Variants in MALRD1 observed in about 807,000 individuals in gnomAD.
The protein encoded by MALRD1 is MAM and LDL receptor class A domain containing 1.
A neutral mutation model predicts 242.1 loss-of-function variants in MALRD1; 247 were observed. The observed-to-expected ratio is 1.02, with a 90% CI of 0.92 to 1.13. The LOEUF (loss-of-function observed/expected upper bound fraction) is 1.13, where lower values mean the gene tolerates loss of function less well. Among genes scored for constraint, MALRD1 ranks in the 50% most tolerant of loss-of-function variants. The probability of loss-of-function intolerance (pLI) is 0.00; values close to 1 mark genes in which losing one functional copy is unlikely to be tolerated. For synonymous variants in MALRD1, 995 were observed against 866.6 expected (o/e 1.15, Z -2.60); for missense variants, 2,989 against 2,533.1 (o/e 1.18, Z -3.86).
intron 2 of MALRD1, among the ~76,000 whole-genome samples, chr10:19,076,422 T>A (rs987555791): frequency 6.6e-6 from 1 of 152,048 alleles, no homozygotes; most frequent in African/African-American, 2.4e-5. Context: ...CACTTACAGT[T>A]CCCTGTAAGA....
chr10:19,488,635 T>A (rs1234533445), intron 29 of MALRD1: 4 of 158,088 alleles, frequency 2.5e-5, no homozygotes, highest in African/African-American at 9.6e-5. Flanking sequence ...AGGGACAGAT[T>A]TGTGAAACCT....
rs1351273405 is a variant in MALRD1, at chr10:19,719,213, C to CAT, written c.6315-11492_6315-11491insTA. Among the ~76,000 whole-genome samples, 283 of 85,334 alleles carry CAT rather than the reference C, an allele frequency of 3.3e-3. 3 individuals carry two copies. Among genetic ancestry groups the CAT allele is most frequent in the African/African-American group, 0.011 (216 of 20,444 alleles). 56.0% of individuals were successfully genotyped at this position (85,334 alleles called of 152,430 possible). Reference sequence around the variant, plus strand: ...ATACATACATATATATATATATATACACATACATACATATATATATATATA... The same window carrying CAT: ...ATACATACATATATATATATATATACATACATACATACATATATATATATATA... On this transcript the variant is annotated intron_variant, in intron 38 of 39. Coordinates refer to ENST00000454679, the MANE Select transcript of MALRD1 (RefSeq NM_001142308.3).
chr10:19,176,665 C>T (rs1399969157), intron 14 of MALRD1, among the ~76,000 whole-genome samples: 1 of 151,920 alleles, frequency 6.6e-6, no homozygotes, highest in Admixed American at 6.6e-5. Flanking sequence ...TGAGCCACCG[C>T]GCCCGGCCCT....
intron 33 of MALRD1, among the ~76,000 whole-genome samples, chr10:19,587,954 A>G (rs545113741): frequency 9.3e-5 from 14 of 150,276 alleles, no homozygotes; most frequent in Admixed American, 9.3e-4. Context: ...CTCTTTTAAG[A>G]TCTAGTAGAA....
At chr10:19,480,876 T>C (rs1836965879) in intron 29 of MALRD1, among the ~76,000 whole-genome samples, 1 of 152,122 alleles carries the variant, frequency 6.6e-6, no homozygotes, top group Non-Finnish European at 1.5e-5. Flanking sequence ...TGTAAACCAG[T>C]GATTTGAAGT....
At chr10:19,178,693 G>A (rs889981841) in intron 14 of MALRD1, among the ~76,000 whole-genome samples, 7 of 152,190 alleles carry the variant, frequency 4.6e-5, no homozygotes, top group African/African-American at 1.4e-4. Flanking sequence ...ATTTGTTAAA[G>A]GGAGAGAGCC....
At chr10:19,576,247 C>G (rs1386878825) in intron 33 of MALRD1, among the ~76,000 whole-genome samples, 1 of 152,200 alleles carries the variant, frequency 6.6e-6, no homozygotes, top group Non-Finnish European at 1.5e-5. Flanking sequence ...CTATGCCATT[C>G]CTCTGAAATT....
At chr10:19,051,557 C>A in intron 1 of MALRD1, 1 of 173,700 alleles carries the variant, frequency 5.8e-6, no homozygotes, top group South Asian at 1.4e-4. Flanking sequence ...TAGCTAGGAT[C>A]TAGAAGATGA....
intron 26 of MALRD1, among the ~76,000 whole-genome samples, chr10:19,382,725 C>G (rs571166055): frequency 6.6e-6 from 1 of 151,976 alleles, no homozygotes; most frequent in Admixed American, 6.6e-5. Flanking sequence ...TATATGGAAC[C>G]CTCAACCTCC....
intron 36 of MALRD1, among the ~76,000 whole-genome samples, chr10:19,685,832 C>G (rs1023879385): frequency 1.3e-5 from 2 of 152,098 alleles, no homozygotes; most frequent in African/African-American, 4.8e-5. Context: ...TGACAGAATT[C>G]TTACTGGACA....
At chr10:19,729,146 A>G (rs1405200520) in intron 38 of MALRD1, among the ~76,000 whole-genome samples, 1 of 152,228 alleles carries the variant, frequency 6.6e-6, no homozygotes, top group Non-Finnish European at 1.5e-5. Context: ...CTGAATCCAC[A>G]GGGACAATGT....
At chr10:19,539,918 ACACG>A (rs1834887350) in intron 32 of MALRD1, among the ~76,000 whole-genome samples, 1 of 47,826 alleles carries the variant, frequency 2.1e-5, no homozygotes, top group African/African-American at 5.0e-5. Context: ...GTGCGCGCAC[ACACG>A]CGCAGTGATG....
intron 32 of MALRD1, among the ~76,000 whole-genome samples, chr10:19,556,420 C>A (rs1835719581): frequency 6.6e-6 from 1 of 152,098 alleles, no homozygotes; most frequent in Non-Finnish European, 1.5e-5. Context: ...TTCCCCTTTG[C>A]TCCACCTATT....
intron 22 of MALRD1, among the ~76,000 whole-genome samples, chr10:19,324,645 AG>A (rs1239541833): frequency 6.6e-6 from 1 of 150,950 alleles, no homozygotes; most frequent in African/African-American, 2.4e-5. Flanking sequence ...TGTCCCCTAT[AG>A]AAAAAAAAAA....
chr10:19,620,213 C>T (rs1839340270), intron 36 of MALRD1, among the ~76,000 whole-genome samples: 1 of 151,764 alleles, frequency 6.6e-6, no homozygotes, highest in Admixed American at 6.6e-5. Flanking sequence ...CTCACAGGTA[C>T]ATGTGTAGGT....
intron 24 of MALRD1, among the ~76,000 whole-genome samples, chr10:19,333,711 A>G (rs1054365687): frequency 8.5e-5 from 13 of 152,078 alleles, no homozygotes; most frequent in African/African-American, 3.1e-4. Flanking sequence ...GAGTTCTTTC[A>G]GAAGTCTTCA....
intron 28 of MALRD1, among the ~76,000 whole-genome samples, chr10:19,443,411 T>C (rs969014379): frequency 2.4e-4 from 37 of 152,200 alleles, no homozygotes; most frequent in African/African-American, 8.9e-4. Context: ...AATTGCAATG[T>C]TAGGGTGTCA....
intron 36 of MALRD1, among the ~76,000 whole-genome samples, chr10:19,689,204 C>A (rs972851946): frequency 3.3e-5 from 5 of 152,116 alleles, no homozygotes; most frequent in African/African-American, 4.8e-5. Context: ...GCAGGAAACA[C>A]ACATACAAAA....
chr10:19,238,463 A>AATATATATTAT (rs1363764543), intron 18 of MALRD1, among the ~76,000 whole-genome samples: 1 of 36,978 alleles, frequency 2.7e-5, no homozygotes, highest in Non-Finnish European at 4.0e-5. Context: ...TATAATATAT[A>AATATATATTAT]ATATAATATA....
Sources: allele counts gnomAD v4.1 joint callset (sites outside exome capture counted in the v4.1 genomes callset), GRCh38; gene constraint gnomAD v4.1.1; transcripts MANE v1.5; gene names NCBI Gene and HGNC (gene_info 2026-07-23, HGNC 2026-07-21).